IFI16: variants seen among roughly 807,000 people sequenced by gnomAD.
IFI16 encodes gamma-interferon-inducible protein 16.
Under a neutral mutation model 68.4 loss-of-function variants are expected in IFI16, and 49 were observed. The observed-to-expected ratio is 0.72, with a 90% CI of 0.57 to 0.91. The LOEUF (loss-of-function observed/expected upper bound fraction) is 0.91, where lower values mean the gene tolerates loss of function less well. Ranked by LOEUF, IFI16 falls within the 40% of genes least tolerant of loss-of-function variation. The probability of loss-of-function intolerance (pLI) is 0.00; values close to 1 mark genes in which losing one functional copy is unlikely to be tolerated. For missense variants in IFI16, 878 were observed against 942.9 expected, an observed-to-expected ratio of 0.93 and a Z score of 0.90; for synonymous variants, 307 against 315.0, an observed-to-expected ratio of 0.97 and a Z score of 0.27.
chr1:159,018,481 G>T lies in IFI16; in HGVS notation c.802G>T (p.Asp268Tyr). 1 of 1,613,950 alleles carries T rather than the reference G, an allele frequency of 6.2e-7. No individual in the cohort carries two copies. Among genetic ancestry groups the T allele is most frequent in the East Asian group, 2.2e-5 (1 of 44,866 alleles). The change falls in exon 5 of 12, where the codon GAT becomes TAT. Residue 268 changes from aspartate (D) to tyrosine (Y), a missense_variant. Physicochemically the swap from Asp to Tyr is radical, Grantham distance 160. Around this residue, in one of 4 missense-constraint regions of IFI16, gnomAD observed 443 missense variants for 421.8 expected, o/e 1.05. Coordinates refer to ENST00000295809, the MANE Select transcript of IFI16 (RefSeq NM_001376587.1). ...IIIISDYLEY[D>Y]SLLEVNEEST... The stretch of plus-strand genomic sequence containing the variant: ...CATCATATCAGATTATTTGGAATAT[G>T]ATAGTCTCCTAGAGGTCAATGAAGA...
intron 7 of IFI16, among the ~76,000 whole-genome samples, chr1:159,034,878 A>T (rs1219222132): frequency 6.6e-6 from 1 of 152,220 alleles, no homozygotes; most frequent in East Asian, 1.9e-4. Context: ...ACAAGAGGGG[A>T]AAAAGTCAGT....
upstream of IFI16, among the ~76,000 whole-genome samples, chr1:159,003,398 A>T (rs1444235406): frequency 1.3e-5 from 2 of 152,200 alleles, no homozygotes; most frequent in Non-Finnish European, 2.9e-5. Context: ...ATCACATAAC[A>T]CTTAAATTAC....
intron 7 of IFI16, among the ~76,000 whole-genome samples, chr1:159,042,660 C>T (rs1168149163): frequency 6.6e-6 from 1 of 152,220 alleles, no homozygotes; most frequent in African/African-American, 2.4e-5. Flanking sequence ...TGTTTGCCTT[C>T]ATAGGTACCT....
chr1:159,014,482 T>C (rs1400294234), intron 1 of IFI16, among the ~76,000 whole-genome samples, 179 bp from the exon 2 acceptor site: 1 of 152,158 alleles, frequency 6.6e-6, no homozygotes, highest in African/African-American at 2.4e-5. Context: ...TTCTTAGACA[T>C]TCCTAACCCA....
At chr1:159,018,144 C>T (rs1653054126) in intron 4 of IFI16, 85 bp from the exon 5 acceptor site, 1 of 1,144,382 alleles carries the variant, frequency 8.7e-7, no homozygotes, top group Admixed American at 2.2e-5. Context: ...TTTTGGGGCC[C>T]TGTGTTATAC....
chr1:159,040,671 G>A (rs577213298), intron 7 of IFI16, among the ~76,000 whole-genome samples: 19 of 152,298 alleles, frequency 1.2e-4, no homozygotes, highest in African/African-American at 4.6e-4. Context: ...TGGAAAATGT[G>A]TGCATCAGGC....
upstream of IFI16, among the ~76,000 whole-genome samples, chr1:159,005,729 G>A (rs1652230469): frequency 1.3e-5 from 2 of 152,170 alleles, no homozygotes; most frequent in South Asian, 4.1e-4. Context: ...AAATTGAATT[G>A]TAGGAGGCTG....
intron 9 of IFI16, 152 bp from the exon 10 acceptor site, chr1:159,051,527 A>G (rs1571898456): frequency 1.6e-6 from 1 of 610,940 alleles, no homozygotes; most frequent in Non-Finnish European, 2.9e-6. Flanking sequence ...CCTAAATCAT[A>G]CTATCTCAGT....
intron 6 of IFI16, among the ~76,000 whole-genome samples, chr1:159,024,823 A>C (rs747652137): frequency 1.2e-4 from 18 of 152,234 alleles, no homozygotes; most frequent in Non-Finnish European, 2.5e-4. Flanking sequence ...AAGATGTATT[A>C]AAATGAAGCT....
chr1:159,021,937 CCCTTTTTTTTTTTTTTTT>C (rs1653346023), intron 6 of IFI16, among the ~76,000 whole-genome samples: 1 of 134,644 alleles, frequency 7.4e-6, no homozygotes, highest in African/African-American at 2.8e-5. Flanking sequence ...TAGCCCTTAG[CCCTTTTTTTTTTTTTTTT>C]TTTTTTTTTT....
At chr1:159,034,713 A>G (rs1614254) in intron 7 of IFI16, among the ~76,000 whole-genome samples, 139,164 of 152,210 alleles carry the variant, frequency 0.91, 64,670 homozygotes, top group Non-Finnish European at 0.99. Context: ...AGATCCTCCC[A>G]TAGTTGGTTC....
intron 7 of IFI16, among the ~76,000 whole-genome samples, chr1:159,043,041 C>A (rs925984309): frequency 6.6e-6 from 1 of 152,230 alleles, no homozygotes; most frequent in African/African-American, 2.4e-5. Context: ...AGGTTGCAGA[C>A]CTGAGCACCA....
At chr1:159,045,572 A>T (rs966338290) in intron 8 of IFI16, 108 bp downstream of exon 8, 1 of 1,151,166 alleles carries the variant, frequency 8.7e-7, no homozygotes, top group African/African-American at 1.5e-5. Context: ...CAATGCTTTA[A>T]TTTAACCAAA....
chr1:159,046,678 T>C (rs1262959407), intron 8 of IFI16, among the ~76,000 whole-genome samples: 5 of 151,218 alleles, frequency 3.3e-5, no homozygotes. Context: ...GTTTTGATAC[T>C]TCCTTTGATA....
At chr1:159,015,090 G>T in intron 2 of IFI16, 145 bp downstream of exon 2, 1 of 755,152 alleles carries the variant, frequency 1.3e-6, no homozygotes, top group Non-Finnish European at 2.2e-6. Context: ...TACTTCAGAG[G>T]CCAACAAGTT....
At chr1:159,053,439 A>G in intron 10 of IFI16, 94 bp from the exon 11 acceptor site, 1 of 858,554 alleles carries the variant, frequency 1.2e-6, no homozygotes, top group Non-Finnish European at 1.9e-6. Flanking sequence ...TTACTCTATC[A>G]AAGACAAAAG....
upstream of IFI16, among the ~76,000 whole-genome samples, chr1:159,009,601 C>T (rs1482345141): frequency 2.0e-5 from 3 of 152,086 alleles, no homozygotes; most frequent in Admixed American, 2.0e-4. Flanking sequence ...TAAGAAAGTT[C>T]TAATGTTGGA....
At chr1:159,030,486 G>A (rs765377959) in intron 6 of IFI16, among the ~76,000 whole-genome samples, 1 of 152,120 alleles carries the variant, frequency 6.6e-6, no homozygotes, top group Non-Finnish European at 1.5e-5. Flanking sequence ...GTCCCACAGG[G>A]TGCTCCCTTG....
At chr1:159,004,313 G>GA (rs939525762), upstream of IFI16, among the ~76,000 whole-genome samples, 44 of 143,276 alleles carry the variant, frequency 3.1e-4, no homozygotes, top group African/African-American at 5.4e-4. Context: ...ATCTCCAAAA[G>GA]AAAAAAAAAA....
Sources: allele counts gnomAD v4.1 joint callset (sites outside exome capture counted in the v4.1 genomes callset), GRCh38; gene constraint gnomAD v4.1.1; regional missense constraint gnomAD v4.1.1; transcripts MANE v1.5; gene names NCBI Gene and HGNC (gene_info 2026-07-23, HGNC 2026-07-21).